Variants in SPEG observed in about 807,000 individuals in gnomAD.
The protein encoded by SPEG is striated muscle enriched protein kinase.
A neutral mutation model predicts 300.4 loss-of-function variants in SPEG; 114 were observed. That is an observed-to-expected ratio of 0.38 (90% CI 0.33 to 0.44). The LOEUF (loss-of-function observed/expected upper bound fraction) is 0.44. Among genes scored for constraint, SPEG ranks in the 20% least tolerant of loss-of-function variants. The probability of loss-of-function intolerance (pLI) is 1.00; values close to 1 mark genes in which losing one functional copy is unlikely to be tolerated. For missense variants in SPEG, 4,201 were observed against 4,586.2 expected (o/e 0.92, Z 2.43); for synonymous variants, 1,964 against 2,018.9 (o/e 0.97, Z 0.73).
chr2:219,460,722 G>C (rs1212910954), intron 6 of SPEG: 4 of 981,434 alleles, frequency 4.1e-6, no homozygotes, highest in Non-Finnish European at 4.8e-6. Flanking sequence ...CTGTGGTCTC[G>C]GCAGGCACCA....
At position 219,480,648 on chromosome 2, in the gene SPEG, C is replaced by T. The variant is rs1260028559; in HGVS notation, c.5343-23C>T. 21 of 1,613,702 alleles carry T rather than the reference C, an allele frequency of 1.3e-5. No homozygotes were observed. The highest frequency in any genetic ancestry group is 1.8e-5 in the Non-Finnish European group (21 of 1,179,694). On this transcript the variant is annotated intron_variant, in intron 25 of 40. Coordinates refer to ENST00000312358, the MANE Select transcript of SPEG (RefSeq NM_005876.5). The surrounding 1 kb of genome is among the most constrained non-coding windows in gnomAD (Gnocchi z 5.3). ...AGTCAGAGAGGGGCGGTCCTCTTAC[C>T]TATCACTCTCCTTTTCCCACAGGCC... is the stretch of plus-strand genomic sequence containing the variant.
chr2:219,453,720 G>C (rs114192221), intron 6 of SPEG, among the ~76,000 whole-genome samples: 1 of 152,242 alleles, frequency 6.6e-6, no homozygotes. Flanking sequence ...CTGGCTCGGG[G>C]GCCCCAGGGC....
rs1229995968 is a variant in SPEG at position 219,443,145 on chromosome 2, C to A, written c.389-1508C>A. The A allele has an allele frequency of 7.4e-6, 12 of 1,612,712 alleles. No homozygotes were observed. Among genetic ancestry groups the A allele is most frequent in the Non-Finnish European group, 9.3e-6 (11 of 1,179,856 alleles). On this transcript the variant is annotated intron_variant, in intron 1 of 40. Coordinates refer to ENST00000312358, the MANE Select transcript of SPEG (RefSeq NM_005876.5). The surrounding 1 kb of genome is among the most constrained non-coding windows in gnomAD (Gnocchi z 4.6). ...TCCCGCCGGGCCTTTGGCCGACTCA[C>A]CCATGGTGCGTGGACCGTGGGCGTC...
chr2:219,491,511 G>C (rs1005337008), intron 38 of SPEG, among the ~76,000 whole-genome samples: 1 of 152,192 alleles, frequency 6.6e-6, no homozygotes, highest in Non-Finnish European at 1.5e-5. Context: ...CCATACCTTG[G>C]AGCCGATCCA....
At chr2:219,474,313 G>C (rs1238420162) in intron 18 of SPEG, 1 of 161,758 alleles carries the variant, frequency 6.2e-6, no homozygotes, top group Non-Finnish European at 1.4e-5. Flanking sequence ...GGGAGGCAGA[G>C]GTTGCAGTGA....
At chr2:219,492,013 C>A (rs1278995814) in intron 39 of SPEG, 98 bp from the exon 40 acceptor site, 1 of 1,418,416 alleles carries the variant, frequency 7.1e-7, no homozygotes, top group Non-Finnish European at 9.7e-7. Flanking sequence ...TGCACAGTAG[C>A]ATGGCCCTGA....
rs369304035 is a variant in SPEG, at chr2:219,468,731, A to G, written c.3296A>G (p.His1099Arg). ...CCGCCCCCTGTTGTTACCTGGACTC[A>G]TTTTGGTACGGCCCCTGTGCTGCAG... ...GTPPPVVTWT[H>R]FGCPMEESEN... Residue 1099 changes from histidine (H) to arginine (R), a missense_variant, in exon 11 of 41, where the codon CAT becomes CGT. This residue lies in a region of SPEG where 1,047 missense variants were observed against 1,356.8 expected (regional missense o/e 0.77). Transcript: ENST00000312358. 2.5e-6 allele frequency: 4 copies of G among 1,613,874 alleles called. No individual in the cohort carries two copies. The highest frequency in any genetic ancestry group is 1.3e-5 in the African/African-American group (1 of 74,910).
rs751511563 is a variant in SPEG at position 219,490,937 on chromosome 2, G to A, written c.9366G>A (p.Thr3122=). ...PQALRPLGHR[T]GTLEFMAPEM... is the part of the protein sequence containing the mutation. The stretch of plus-strand genomic sequence containing the variant: ...CCCTTAGGCCCCTTGGCCACCGCAC[G>A]GGCACGCTGGAGTTCATGGGTGAGG... Residue 3122 remains threonine, a synonymous_variant, in exon 38 of 41, where the codon ACG becomes ACA. Transcript: ENST00000312358. 1.6e-5 allele frequency: 26 copies of A among 1,612,760 alleles called. No individual in the cohort carries two copies. The highest frequency in any genetic ancestry group is 6.6e-5 in the South Asian group (6 of 91,032).
rs1252717842 is a variant in SPEG at position 219,483,977 on chromosome 2, G to A, written c.6514G>A (p.Glu2172Lys). The change falls in exon 30 of 41, where the codon GAG (glutamate) becomes AAG (lysine). Residue 2172 changes from glutamate (E) to lysine (K), a missense_variant. This residue lies in a region of SPEG where 1,578 missense variants were observed against 1,506.0 expected (regional missense o/e 1.05). Coordinates refer to ENST00000312358, the MANE Select transcript of SPEG (RefSeq NM_005876.5). ...QESPSLSALS[E>K]AQPSSPARPS... ...GTCTCCTTCCCTGTCTGCCCTCAGC[G>A]AGGCCCAGCCATCCAGCCCTGCACG... The A allele has an allele frequency of 6.2e-6, 10 of 1,610,170 alleles. No individual in the cohort carries two copies. The highest frequency in any genetic ancestry group is 1.3e-5 in the African/African-American group (1 of 74,862).
At chr2:219,455,094 A>AAAATAAAT (rs553658522) in intron 6 of SPEG, among the ~76,000 whole-genome samples, 1 of 152,166 alleles carries the variant, frequency 6.6e-6, no homozygotes, top group Non-Finnish European at 1.5e-5. Context: ...ACTCTGTCTC[A>AAAATAAAT]AAATAAATAA....
chr2:219,489,043 A>G lies in SPEG; in HGVS notation c.8150-11A>G, dbSNP rs767859761. 6.8e-6 allele frequency: 11 copies of G among 1,613,188 alleles called. No individual in the cohort carries two copies. Among genetic ancestry groups the G allele is most frequent in the Non-Finnish European group, 9.3e-6 (11 of 1,179,668 alleles). Reference sequence around the variant, plus strand: ...TCTGTGACCTCAGCCCCTCCCCCATACTGCCTATAGGGGAGTCTGTGTGGC... The same window carrying G: ...TCTGTGACCTCAGCCCCTCCCCCATGCTGCCTATAGGGGAGTCTGTGTGGC... On this transcript the variant is annotated splice_polypyrimidine_tract_variant and intron_variant, in intron 34 of 40. Transcript: ENST00000312358.
chr2:219,479,971 C>G lies in SPEG; in HGVS notation c.5173C>G (p.Leu1725Val). 2 of 1,614,200 alleles carry G rather than the reference C, an allele frequency of 1.2e-6. No individual in the cohort carries two copies. The highest frequency in any genetic ancestry group is 3.3e-5 in the Admixed American group (2 of 60,030). The change falls in exon 25 of 41, where the codon CTG (leucine) becomes GTG (valine). Residue 1725 changes from leucine (L) to valine (V), a missense_variant. Coordinates refer to ENST00000312358, the MANE Select transcript of SPEG (RefSeq NM_005876.5). This position sits in a 1 kb window ranked among gnomAD's most constrained non-coding sequence, Gnocchi z 5.5. ...GCCTTGTGTCTTCCAGCCTGAGAACCTGCTGGTGTGGGATGGTGCTGCGGG... is the reference window on the plus strand; with the variant it reads ...GCCTTGTGTCTTCCAGCCTGAGAACGTGCTGGTGTGGGATGGTGCTGCGGG... ...VLHLDVKPEN[L>V]LVWDGAAGEQ...
chr2:219,460,066 G>A (rs1425623811), intron 6 of SPEG, among the ~76,000 whole-genome samples: 4 of 152,246 alleles, frequency 2.6e-5, no homozygotes, highest in Non-Finnish European at 5.9e-5. Context: ...GGCCATTTGG[G>A]GGAGGCAGCC....
rs376063479 is a variant in SPEG, at chr2:219,473,838, C to T, written c.4382C>T (p.Ala1461Val). The T allele has an allele frequency of 1.9e-4, 314 of 1,613,768 alleles. 4 individuals carry two copies. The East Asian group carries it at 5.0e-3, about 26-fold the overall frequency. ...ICRVSRRDMG[A>V]LTCTARNRHG... ...CGGGTGAGCCGCCGGGACATGGGGG[C>T]CCTCACCTGCACCGCCCGAAACCGT... Residue 1461 changes from alanine to valine, a missense_variant, in exon 18 of 41, where the codon GCC becomes GTC. Around this residue, in one of 4 missense-constraint regions of SPEG, gnomAD observed 1,047 missense variants for 1,356.8 expected, o/e 0.77. Coordinates refer to ENST00000312358, the MANE Select transcript of SPEG (RefSeq NM_005876.5). This position sits in a 1 kb window ranked among gnomAD's most constrained non-coding sequence, Gnocchi z 4.6.
chr2:219,477,323 A>G lies in SPEG; in HGVS notation c.4607A>G (p.Glu1536Gly). ...TESSHVSFVY[E>G]ENECSLVVLS... is the part of the protein sequence containing the mutation. Reference sequence around the variant, plus strand: ...AGCAGCCATGTGAGCTTCGTGTACGAGGAGAATGAGTGCTCCCTGGTGGTG... The same window carrying G: ...AGCAGCCATGTGAGCTTCGTGTACGGGGAGAATGAGTGCTCCCTGGTGGTG... Residue 1536 changes from glutamate to glycine, a missense_variant, in exon 20 of 41, where the codon GAG becomes GGG. By Grantham distance (98) the Glu-to-Gly change is moderately conservative (BLOSUM62 -2). Around this residue, in one of 4 missense-constraint regions of SPEG, gnomAD observed 1,047 missense variants for 1,356.8 expected, o/e 0.77. Coordinates refer to ENST00000312358, the MANE Select transcript of SPEG (RefSeq NM_005876.5). This position sits in a 1 kb window ranked among gnomAD's most constrained non-coding sequence, Gnocchi z 6.4. 6.2e-7 allele frequency: 1 copy of G among 1,613,422 alleles called. No homozygotes were observed. The highest frequency in any genetic ancestry group is 1.1e-5 in the South Asian group (1 of 91,024).
At position 219,479,831 on chromosome 2, in the gene SPEG, C is replaced by T; in HGVS notation, c.5134C>T (p.Gln1712Ter). ...GCTAGAGGGAATACACTACCTGCACCAGAGCCACGTGCTGCACCTCGATGT... is the reference window on the plus strand; with the variant it reads ...GCTAGAGGGAATACACTACCTGCACTAGAGCCACGTGCTGCACCTCGATGT... ...QVLEGIHYLH[Q>*]SHVLHLDVKP... is the part of the protein sequence containing the mutation. Residue 1712 changes from glutamine to a stop codon, truncating the protein, a stop_gained, in exon 24 of 41, where the codon CAG becomes TAG. Coordinates refer to ENST00000312358, the MANE Select transcript of SPEG (RefSeq NM_005876.5). LOFTEE classifies it high-confidence loss of function. The surrounding 1 kb of genome is among the most constrained non-coding windows in gnomAD (Gnocchi z 5.5). 1 of 1,614,102 alleles carries T rather than the reference C, an allele frequency of 6.2e-7. No individual in the cohort carries two copies. The highest frequency in any genetic ancestry group is 1.1e-5 in the South Asian group (1 of 91,078).
Position 219,464,484 on chromosome 2 carries a change from G to T in SPEG, c.2757G>T (p.Glu919Asp). ...CAGACCAGCGGCGCTTTGCGGAGGA[G>T]GCTGAGGGTGGGCTGTGCCGGCTGC... The part of the protein sequence containing the change: ...VRPDQRRFAE[E>D]AEGGLCRLRI... The change falls in exon 9 of 41, where the codon GAG becomes GAT. Residue 919 changes from glutamate to aspartate, a missense_variant. Physicochemically the swap from Glu to Asp is conservative, Grantham distance 45. Around this residue, in one of 4 missense-constraint regions of SPEG, gnomAD observed 1,047 missense variants for 1,356.8 expected, o/e 0.77. Transcript: ENST00000312358. The surrounding 1 kb of genome is among the most constrained non-coding windows in gnomAD (Gnocchi z 4.5). The T allele has an allele frequency of 6.2e-7, 1 of 1,613,894 alleles. No homozygotes were observed. The highest frequency in any genetic ancestry group is 2.2e-5 in the East Asian group (1 of 44,890).
intron 9 of SPEG, chr2:219,465,810 T>C (rs7590434): frequency 0.44 from 262,012 of 592,034 alleles, 58,944 homozygotes; most frequent in South Asian, 0.5. Context: ...TGCGTGCATG[T>C]GTGCGTGTGC....
Position 219,443,213 on chromosome 2 carries a change from C to G in SPEG, c.389-1440C>G. On this transcript the variant is annotated intron_variant, in intron 1 of 40. Transcript: ENST00000312358. The surrounding 1 kb of genome is among the most constrained non-coding windows in gnomAD (Gnocchi z 4.6). ...CTACTCCTCCTCTTGGTCCCTGTCCCTCTGTGAGGCATCGAGTTCCTGAAG... is the reference window on the plus strand; with the variant it reads ...CTACTCCTCCTCTTGGTCCCTGTCCGTCTGTGAGGCATCGAGTTCCTGAAG... 6.7e-7 allele frequency: 1 copy of G among 1,497,166 alleles called. No homozygotes were observed. The highest frequency in any genetic ancestry group is 9.3e-7 in the Non-Finnish European group (1 of 1,074,318). 92.7% of individuals were successfully genotyped at this position (1,497,166 alleles called of 1,614,324 possible). A position where few individuals can be genotyped will look rare whatever the true frequency, so the allele number is the denominator to read the frequency against.
Sources: allele counts gnomAD v4.1 joint callset (sites outside exome capture counted in the v4.1 genomes callset), GRCh38; gene constraint gnomAD v4.1.1; regional missense constraint gnomAD v4.1.1; non-coding constraint Gnocchi (gnomAD v3.1); transcripts MANE v1.5; gene names NCBI Gene and HGNC (gene_info 2026-07-23, HGNC 2026-07-21).